The following DZIP3 variants were observed in gnomAD, a reference collection of about 807,000 sequenced individuals.
DZIP3 encodes the protein DAZ interacting zinc finger protein 3.
A neutral mutation model predicts 162.0 loss-of-function variants in DZIP3; 118 were observed. The observed-to-expected ratio is 0.73, with a 90% CI of 0.63 to 0.85. The LOEUF (loss-of-function observed/expected upper bound fraction) is 0.85. DZIP3 is among the 40% of genes least tolerant of loss of function. The pLI is 0.00. For synonymous variants in DZIP3, 438 were observed against 458.6 expected (o/e 0.96, Z 0.57); for missense variants, 1,331 against 1,407.0 (o/e 0.95, Z 0.86).
At chr3:108,600,206 C>T (rs990607709) in intron 1 of DZIP3, among the ~76,000 whole-genome samples, 1 of 152,116 alleles carries the variant, frequency 6.6e-6, no homozygotes, top group African/African-American at 2.4e-5. Flanking sequence ...TCAGAGTCTG[C>T]TTGTTAACAG....
chr3:108,679,962 T>C (rs879927685), intron 26 of DZIP3, among the ~76,000 whole-genome samples: 18 of 152,088 alleles, frequency 1.2e-4, no homozygotes, highest in Admixed American at 2.6e-4. Flanking sequence ...TTAGTACCAT[T>C]AAAAAGATCA....
At chr3:108,589,562 G>T (rs1044043464), upstream of DZIP3, 8 of 495,188 alleles carry the variant, frequency 1.6e-5, no homozygotes, top group South Asian at 2.8e-5. Context: ...GGTGGGCCAG[G>T]GGTCGAGGTG....
At chr3:108,636,587 T>A in intron 10 of DZIP3, 29 bp from the exon 11 acceptor site, 1 of 1,424,394 alleles carries the variant, frequency 7.0e-7, no homozygotes. Flanking sequence ...TTTTTTTCTA[T>A]TTTTATTTTT....
chr3:108,607,730 G>C (rs962171958), intron 2 of DZIP3, among the ~76,000 whole-genome samples: 7 of 152,250 alleles, frequency 4.6e-5, no homozygotes, highest in African/African-American at 9.6e-5. Flanking sequence ...TCCCTAACCT[G>C]TAATATCTTC....
chr3:108,675,904 G>A, intron 25 of DZIP3, 31 bp downstream of exon 25: 1 of 1,585,278 alleles, frequency 6.3e-7, no homozygotes. Context: ...GGAGAAAATT[G>A]GCTTAATGTT....
In DZIP3 at chr3:108,684,215, G is replaced by A. The variant is rs1389042392; in HGVS notation, c.2884-1G>A. 1.2e-6 allele frequency: 2 copies of A among 1,602,566 alleles called. No individual in the cohort carries two copies. Among genetic ancestry groups the A allele is most frequent in the South Asian group, 1.1e-5 (1 of 89,050 alleles). On this transcript the variant is annotated splice_acceptor_variant, in intron 26 of 32. Transcript: ENST00000361582. LOFTEE classifies it high-confidence loss of function. ...ATTATTGTTTATATTTTCTATTTTA[G>A]ATGCAGCAGTTCTTAGGAAGACCTC...
intron 1 of DZIP3, among the ~76,000 whole-genome samples, chr3:108,597,707 C>T (rs1039127946): frequency 2.0e-5 from 3 of 152,114 alleles, no homozygotes; most frequent in Non-Finnish European, 4.4e-5. Flanking sequence ...AGTATGCACA[C>T]CTCAGGGGAT....
intron 23 of DZIP3, among the ~76,000 whole-genome samples, chr3:108,673,511 T>C (rs1161334712): frequency 6.6e-6 from 1 of 151,940 alleles, no homozygotes; most frequent in African/African-American, 2.4e-5. Context: ...TGTATTTTAG[T>C]GAATACTGAG....
intron 4 of DZIP3, among the ~76,000 whole-genome samples, chr3:108,612,690 A>G (rs1940783758): frequency 6.6e-6 from 1 of 152,156 alleles, no homozygotes; most frequent in Non-Finnish European, 1.5e-5. Flanking sequence ...ACATCTAGGT[A>G]TTACATATCT....
chr3:108,674,043 T>G, intron 23 of DZIP3, 35 bp from the exon 24 acceptor site: 1 of 1,496,388 alleles, frequency 6.7e-7, no homozygotes. Context: ...CAAGCACACC[T>G]TCAACTTCTT....
chr3:108,638,640 T>G (rs754673903), intron 12 of DZIP3, among the ~76,000 whole-genome samples: 4 of 152,098 alleles, frequency 2.6e-5, no homozygotes, highest in Non-Finnish European at 4.4e-5. Flanking sequence ...AAATATAAAT[T>G]TCTTCCTATT....
chr3:108,661,297 A>G (rs1943418655), intron 19 of DZIP3, among the ~76,000 whole-genome samples: 1 of 152,222 alleles, frequency 6.6e-6, no homozygotes, highest in Non-Finnish European at 1.5e-5. Context: ...ACGGAATACT[A>G]TGCAGCCATA....
chr3:108,637,778 T>C (rs572533682), intron 12 of DZIP3, among the ~76,000 whole-genome samples: 17 of 152,324 alleles, frequency 1.1e-4, no homozygotes, highest in South Asian at 2.1e-4. Context: ...CCATTAAATA[T>C]GAAAATAATC....
In DZIP3 at chr3:108,644,498, A is replaced by G; in HGVS notation, c.1476A>G (p.Pro492=). The G allele has an allele frequency of 6.2e-7, 1 of 1,614,118 alleles. No homozygotes were observed. Among genetic ancestry groups the G allele is most frequent in the South Asian group, 1.1e-5 (1 of 91,068 alleles). ...AAAAAGGATGGAATATGGAACCGCC[A>G]TCTTCTGACATCTCTAAATCTGCAG... The part of the protein sequence containing the change: ...APKKGWNMEP[P]SSDISKSADI... Residue 492 remains proline, a synonymous_variant, in exon 14 of 33, where the codon CCA becomes CCG. Coordinates refer to ENST00000361582, the MANE Select transcript of DZIP3 (RefSeq NM_014648.4).
At chr3:108,684,000 C>T (rs1423432192) in intron 26 of DZIP3, among the ~76,000 whole-genome samples, 1 of 152,082 alleles carries the variant, frequency 6.6e-6, no homozygotes, top group East Asian at 1.9e-4. Context: ...CTGTCTTTGT[C>T]AATGCTGTTT....
At chr3:108,631,055 A>ACACACACATACACACT in intron 8 of DZIP3, among the ~76,000 whole-genome samples, 1 of 18,014 alleles carries the variant, frequency 5.6e-5, no homozygotes, top group African/African-American at 2.8e-4. Context: ...ACACACACAC[A>ACACACACATACACACT]CTCTCTCTCT....
chr3:108,636,195 A>C (rs1345912135), intron 10 of DZIP3, among the ~76,000 whole-genome samples: 4 of 151,994 alleles, frequency 2.6e-5, no homozygotes, highest in South Asian at 2.1e-4. Flanking sequence ...AGAGAAGTAA[A>C]AGAAAAATAA....
intron 1 of DZIP3, among the ~76,000 whole-genome samples, chr3:108,602,603 C>T (rs770115857): frequency 5.3e-5 from 8 of 152,186 alleles, no homozygotes; most frequent in African/African-American, 1.4e-4. Flanking sequence ...GAAATGAATA[C>T]GCTAGGGGAA....
chr3:108,629,173 T>C lies in DZIP3; in HGVS notation c.693T>C (p.Phe231=). ...PTEDEDLPTT[F]KDLLNNFIKT... ...AAGATGAAGATTTACCTACAACTTT[T>C]AAAGTAAGAAATTATTTAAGAGTAA... Residue 231 remains phenylalanine (F), a synonymous_variant, in exon 8 of 33, where the codon TTT becomes TTC. Transcript: ENST00000361582. 3.9e-6 allele frequency: 6 copies of C among 1,555,344 alleles called. No individual in the cohort carries two copies. Among genetic ancestry groups the C allele is most frequent in the Middle Eastern group, 1.7e-4 (1 of 5,778 alleles).
Sources: gnomAD v4.1 joint callset for allele counts (sites outside exome capture counted in the v4.1 genomes callset) on GRCh38, gnomAD v4.1.1 for gene constraint, MANE v1.5 for transcripts, NCBI Gene and HGNC (gene_info 2026-07-23, HGNC 2026-07-21) for gene names.